ERICH1: variants seen among roughly 807,000 people sequenced by gnomAD.
The protein encoded by ERICH1 is glutamate rich 1.
In ERICH1, 56 loss-of-function variants were observed where a neutral mutation model predicts 39.6. That is an observed-to-expected ratio of 1.41 (90% CI 1.14 to 1.77). The LOEUF is 1.77. Among genes scored for constraint, ERICH1 ranks in the 40% most tolerant of loss-of-function variants. The probability of loss-of-function intolerance (pLI) is 0.00; values close to 1 mark genes in which losing one functional copy is unlikely to be tolerated. For synonymous variants in ERICH1, 313 were observed against 223.6 expected, an observed-to-expected ratio of 1.40 and a Z score of -3.57; for missense variants, 826 against 575.4, an observed-to-expected ratio of 1.44 and a Z score of -4.45.
At chr8:708,693 T>TTTTTTTTTGTTTTTTTTTTTTTTG (rs1563319597) in intron 2 of ERICH1, among the ~76,000 whole-genome samples, 1 of 126,962 alleles carries the variant, frequency 7.9e-6, no homozygotes, top group Non-Finnish European at 1.7e-5. Context: ...TTTTTTTTTT[T>TTTTTTTTTGTTTTTTTTTTTTTTG]TTTTTTTTTT....
At position 709,941 on chromosome 8, in the gene ERICH1, A is replaced by G. The variant is rs114313318; in HGVS notation, c.169+5920T>C. Among the ~76,000 whole-genome samples the G allele has an allele frequency of 6.9e-3, 1,048 of 152,326 alleles. 14 individuals carry two copies. The highest frequency in any genetic ancestry group is 0.023 in the African/African-American group (960 of 41,558). On this transcript the variant is annotated intron_variant, in intron 2 of 5. Coordinates refer to ENST00000262109, the MANE Select transcript of ERICH1 (RefSeq NM_207332.3). Reference sequence around the variant, plus strand: ...ACTTTAGGTAGGTTAGAACAAAGAAAAAGTAAATCGACCTTAAAAATACAA... The same window carrying G: ...ACTTTAGGTAGGTTAGAACAAAGAAGAAGTAAATCGACCTTAAAAATACAA...
At chr8:665,585 T>C (rs533100448) in intron 5 of ERICH1, among the ~76,000 whole-genome samples, 26 of 152,238 alleles carry the variant, frequency 1.7e-4, no homozygotes, top group African/African-American at 6.0e-4. Context: ...AAAATCTAAT[T>C]CCCATACAGA....
intron 3 of ERICH1, among the ~76,000 whole-genome samples, chr8:633,510 G>C (rs995509961): frequency 6.6e-6 from 1 of 152,124 alleles, no homozygotes; most frequent in Non-Finnish European, 1.5e-5. Flanking sequence ...GAATCTCAAG[G>C]ATATTTCTCA....
intron 1 of ERICH1, among the ~76,000 whole-genome samples, chr8:728,498 G>A (rs1023358605): frequency 2.6e-5 from 4 of 152,142 alleles, no homozygotes; most frequent in Non-Finnish European, 5.9e-5. Context: ...GACACTGGGG[G>A]CCTCCCCAGT....
chr8:630,662 C>G (rs1185189458), intron 3 of ERICH1, among the ~76,000 whole-genome samples: 9 of 127,966 alleles, frequency 7.0e-5, no homozygotes, highest in South Asian at 2.9e-4. Context: ...CCCACACAGA[C>G]AGAGCTGACT....
At chr8:730,749 C>T (rs906881838) in intron 1 of ERICH1, among the ~76,000 whole-genome samples, 6 of 152,240 alleles carry the variant, frequency 3.9e-5, no homozygotes, top group Admixed American at 2.6e-4. Flanking sequence ...TTCGGTGAGG[C>T]TGCCGGAGCC....
intron 3 of ERICH1, among the ~76,000 whole-genome samples, chr8:621,970 G>C (rs889355937): frequency 6.6e-6 from 1 of 152,122 alleles, no homozygotes; most frequent in African/African-American, 2.4e-5. Flanking sequence ...ATCCCAGCAC[G>C]TTGGGAGGCC....
intron 1 of ERICH1, among the ~76,000 whole-genome samples, chr8:718,054 G>A (rs1816431695): frequency 6.6e-6 from 1 of 152,020 alleles, no homozygotes; most frequent in African/African-American, 2.4e-5. Context: ...ACACATCAGC[G>A]TTTGGATCAG....
intron 2 of ERICH1, among the ~76,000 whole-genome samples, chr8:701,485 C>A (rs1334347105): frequency 3.3e-5 from 5 of 152,222 alleles, no homozygotes; most frequent in African/African-American, 1.2e-4. Context: ...CCCAGAGCAG[C>A]TGGGAGGCTG....
At chr8:631,977 G>A (rs1798068301) in intron 3 of ERICH1, among the ~76,000 whole-genome samples, 1 of 152,084 alleles carries the variant, frequency 6.6e-6, no homozygotes, top group Non-Finnish European at 1.5e-5. Flanking sequence ...GTCCTTCCAG[G>A]GCTGGGTCAG....
chr8:633,754 G>T (rs1397656161), intron 3 of ERICH1, among the ~76,000 whole-genome samples: 2 of 152,230 alleles, frequency 1.3e-5, no homozygotes, highest in East Asian at 3.8e-4. Flanking sequence ...ATGGGCTTTG[G>T]CACAGGTGCC....
chr8:660,831 G>A (rs768348383), downstream of ERICH1, among the ~76,000 whole-genome samples: 1 of 152,084 alleles, frequency 6.6e-6, no homozygotes, highest in Admixed American at 6.5e-5. Flanking sequence ...TCCCTGTCTC[G>A]TTGCCGGCCA....
At chr8:728,690 C>T (rs547650108) in intron 1 of ERICH1, among the ~76,000 whole-genome samples, 2 of 152,294 alleles carry the variant, frequency 1.3e-5, no homozygotes, top group South Asian at 2.1e-4. Flanking sequence ...AGTTCATGGT[C>T]GGAGCTGCAC....
intron 3 of ERICH1, among the ~76,000 whole-genome samples, chr8:691,965 C>T (rs1019629232): frequency 5.3e-5 from 8 of 152,092 alleles, no homozygotes; most frequent in East Asian, 1.9e-4. Context: ...AACAGTCAAC[C>T]GTATTAAGAG....
chr8:683,617 C>T (rs1040531832), intron 3 of ERICH1, among the ~76,000 whole-genome samples: 1 of 152,242 alleles, frequency 6.6e-6, no homozygotes, highest in Non-Finnish European at 1.5e-5. Context: ...TCCATGCCAG[C>T]TGCAGGACAT....
At chr8:652,562 T>C (rs1161587766) in intron 3 of ERICH1, among the ~76,000 whole-genome samples, 1 of 152,210 alleles carries the variant, frequency 6.6e-6, no homozygotes, top group South Asian at 2.1e-4. Flanking sequence ...CTTTCCAAAG[T>C]GTCCTGTTCT....
chr8:669,699 G>C (rs998609764), intron 4 of ERICH1, among the ~76,000 whole-genome samples: 1 of 152,264 alleles, frequency 6.6e-6, no homozygotes, highest in South Asian at 2.1e-4. Flanking sequence ...ATGAAAGCAA[G>C]CTCTCTATGT....
At chr8:672,078 C>A (rs10103269) in intron 4 of ERICH1, 78,734 of 152,830 alleles carry the variant, frequency 0.52, 20,372 homozygotes, top group African/African-American at 0.55. Flanking sequence ...ATAATCTCCC[C>A]GTGAGGGTTC....
intron 1 of ERICH1, among the ~76,000 whole-genome samples, chr8:728,645 T>C (rs1230412399): frequency 6.6e-6 from 1 of 152,192 alleles, no homozygotes; most frequent in Non-Finnish European, 1.5e-5. Context: ...CATAGTGCCC[T>C]TCCCCTTCCT....
Sources: allele counts gnomAD v4.1 joint callset (sites outside exome capture counted in the v4.1 genomes callset), GRCh38; gene constraint gnomAD v4.1.1; transcripts MANE v1.5; gene names NCBI Gene and HGNC (gene_info 2026-07-23, HGNC 2026-07-21).